DDX10: variants seen among roughly 807,000 people sequenced by gnomAD.
DDX10 encodes DEAD-box helicase 10.
DDX10 carries 74 observed loss-of-function variants against 104.3 expected under a neutral mutation model. The ratio of observed to expected loss-of-function variants is 0.71; its 90% CI spans 0.59 to 0.86. DDX10 has a LOEUF of 0.86. DDX10 is among the 40% of genes least tolerant of loss of function. DDX10 has a pLI of 0.00. For missense variants in DDX10, 952 were observed against 1,040.0 expected (o/e 0.92, Z 1.16); for synonymous variants, 351 against 353.4 (o/e 0.99, Z 0.08).
Position 108,917,853 on chromosome 11 carries a change from C to A in DDX10, c.2305-20C>A. 1 of 1,607,436 alleles carries A rather than the reference C, an allele frequency of 6.2e-7. No individual in the cohort carries two copies. The highest frequency in any genetic ancestry group is 8.5e-7 in the Non-Finnish European group (1 of 1,178,576). ...CAACTGACTTCTTCAACTGCAGTTTCCCTTATTATTATTTTTTAGGCCAAA... is the reference window on the plus strand; with the variant it reads ...CAACTGACTTCTTCAACTGCAGTTTACCTTATTATTATTTTTTAGGCCAAA... On this transcript the variant is annotated intron_variant, in intron 16 of 17. Transcript: ENST00000322536.
chr11:108,710,913 G>T (rs7930190), intron 10 of DDX10, among the ~76,000 whole-genome samples: 1 of 152,122 alleles, frequency 6.6e-6, no homozygotes, highest in Non-Finnish European at 1.5e-5. Context: ...AGTAGCCTGC[G>T]CCACCATGCC....
At chr11:108,759,428 C>G (rs926450344) in intron 13 of DDX10, among the ~76,000 whole-genome samples, 4 of 151,510 alleles carry the variant, frequency 2.6e-5, no homozygotes, top group Non-Finnish European at 4.4e-5. Flanking sequence ...TTTGAACTTA[C>G]GCTAACCATC....
intron 5 of DDX10, 55 bp downstream of exon 5, chr11:108,678,490 A>G: frequency 6.9e-7 from 1 of 1,451,346 alleles, no homozygotes; most frequent in Middle Eastern, 1.8e-4. Flanking sequence ...CTTAGGAGAG[A>G]GCCCTTATAC....
intron 6 of DDX10, among the ~76,000 whole-genome samples, chr11:108,685,231 G>A (rs1044343435): frequency 4.0e-5 from 6 of 151,574 alleles, no homozygotes; most frequent in Non-Finnish European, 8.8e-5. Context: ...ATATAGTCTC[G>A]TGGTGCGCCG....
chr11:108,761,797 G>A (rs2094351150), intron 13 of DDX10, among the ~76,000 whole-genome samples: 1 of 152,134 alleles, frequency 6.6e-6, no homozygotes, highest in Non-Finnish European at 1.5e-5. Flanking sequence ...CTGGTAGCAT[G>A]GAGAGCTGTA....
chr11:108,781,027 C>G (rs2094377460), intron 13 of DDX10, among the ~76,000 whole-genome samples: 1 of 152,044 alleles, frequency 6.6e-6, no homozygotes, highest in Admixed American at 6.6e-5. Context: ...GCATAGTACC[C>G]AAGAGGTGGT....
chr11:108,759,088 A>T (rs892134738), intron 13 of DDX10, among the ~76,000 whole-genome samples: 10 of 152,066 alleles, frequency 6.6e-5, no homozygotes, highest in African/African-American at 2.4e-4. Context: ...CCATATGATC[A>T]CTTCAATTGT....
intron 13 of DDX10, among the ~76,000 whole-genome samples, chr11:108,773,828 C>T (rs1369204321): frequency 6.6e-6 from 1 of 152,072 alleles, no homozygotes; most frequent in Non-Finnish European, 1.5e-5. Context: ...TGGAGTGTAC[C>T]ATAGTGCTGA....
At chr11:108,810,651 T>A (rs1461452362) in intron 13 of DDX10, among the ~76,000 whole-genome samples, 2 of 152,216 alleles carry the variant, frequency 1.3e-5, no homozygotes, top group Non-Finnish European at 2.9e-5. Context: ...TGTTTATGTT[T>A]CAACGGAACC....
rs192301487 is a variant in DDX10, at chr11:108,924,970, T to C, written c.2450+6952T>C. 2.8e-3 allele frequency among the ~76,000 whole-genome samples: 434 copies of C among 152,344 alleles called. 1 individual carries two copies. The highest frequency in any genetic ancestry group is 8.6e-3 in the African/African-American group (357 of 41,582). On this transcript the variant is annotated intron_variant, in intron 17 of 17. Coordinates refer to ENST00000322536, the MANE Select transcript of DDX10 (RefSeq NM_004398.4). ...GAAAGAGGTTGGCTCAGCTTAATTATATAGTGAATTTATTGTGTGCCTGCC... is the reference window on the plus strand; with the variant it reads ...GAAAGAGGTTGGCTCAGCTTAATTACATAGTGAATTTATTGTGTGCCTGCC...
intron 10 of DDX10, among the ~76,000 whole-genome samples, chr11:108,707,469 A>G (rs2094277673): frequency 6.6e-6 from 1 of 152,224 alleles, no homozygotes; most frequent in Non-Finnish European, 1.5e-5. Context: ...TTAGTACTGA[A>G]TAACATTTCA....
intron 6 of DDX10, 82 bp from the exon 7 acceptor site, chr11:108,688,854 A>G: frequency 2.0e-6 from 3 of 1,493,120 alleles, no homozygotes; most frequent in Non-Finnish European, 2.7e-6. Context: ...TGCCACTATT[A>G]AAACTTGTTT....
rs186498626 is a variant in DDX10, at chr11:108,746,001, T to C, written c.1965+22539T>C. 7.2e-5 allele frequency among the ~76,000 whole-genome samples: 11 copies of C among 152,304 alleles called. No homozygotes were observed. In the East Asian group the frequency reaches 2.1e-3, roughly 29 times the overall value. Reference sequence around the variant, plus strand: ...TCACAAACTTGTTCAGCCATTACCATGATCAGTATTAGAATGTTTTTTATC... The same window carrying C: ...TCACAAACTTGTTCAGCCATTACCACGATCAGTATTAGAATGTTTTTTATC... On this transcript the variant is annotated intron_variant, in intron 13 of 17. Transcript: ENST00000322536.
At chr11:108,864,101 T>C (rs1334249961) in intron 16 of DDX10, among the ~76,000 whole-genome samples, 1 of 152,162 alleles carries the variant, frequency 6.6e-6, no homozygotes, top group Non-Finnish European at 1.5e-5. Flanking sequence ...AGATAATACA[T>C]GTGTTAGGGC....
intron 13 of DDX10, among the ~76,000 whole-genome samples, chr11:108,752,378 T>C (rs951031260): frequency 6.6e-6 from 1 of 152,150 alleles, no homozygotes; most frequent in African/African-American, 2.4e-5. Flanking sequence ...TTTTTTGGTG[T>C]TCTTTTCACT....
At chr11:108,792,403 G>A (rs1031071083) in intron 13 of DDX10, among the ~76,000 whole-genome samples, 1 of 152,098 alleles carries the variant, frequency 6.6e-6, no homozygotes, top group Non-Finnish European at 1.5e-5. Flanking sequence ...CTTGGATTTA[G>A]GCATATGATC....
At chr11:108,893,543 C>T (rs1310565784) in intron 16 of DDX10, among the ~76,000 whole-genome samples, 1 of 151,522 alleles carries the variant, frequency 6.6e-6, no homozygotes, top group East Asian at 1.9e-4. Flanking sequence ...TAATTATGCA[C>T]CATGTTTGTG....
chr11:108,815,425 A>G (rs1862242222), intron 13 of DDX10, among the ~76,000 whole-genome samples: 1 of 152,214 alleles, frequency 6.6e-6, no homozygotes, highest in African/African-American at 2.4e-5. Flanking sequence ...AGTGCTGAGA[A>G]ACTGATGTAA....
intron 16 of DDX10, among the ~76,000 whole-genome samples, chr11:108,887,052 A>G (rs546743752): frequency 6.6e-6 from 1 of 152,310 alleles, no homozygotes; most frequent in South Asian, 2.1e-4. Context: ...GGTATATTAT[A>G]TGAAAACACT....
Sources: gnomAD v4.1 joint callset for allele counts (sites outside exome capture counted in the v4.1 genomes callset) on GRCh38, gnomAD v4.1.1 for gene constraint, MANE v1.5 for transcripts, NCBI Gene and HGNC (gene_info 2026-07-23, HGNC 2026-07-21) for gene names.